PRKAR2B: variants seen among roughly 807,000 people sequenced by gnomAD.
The protein encoded by PRKAR2B is cAMP-dependent protein kinase type II-beta regulatory subunit.
Under a neutral mutation model 49.9 loss-of-function variants are expected in PRKAR2B, and 14 were observed. That is an observed-to-expected ratio of 0.28 (90% CI 0.19 to 0.44). The LOEUF is 0.44. PRKAR2B is among the 20% of genes least tolerant of loss of function. PRKAR2B has a pLI of 1.00. For missense variants in PRKAR2B, 393 were observed against 537.9 expected (o/e 0.73, Z 2.67); for synonymous variants, 196 against 197.7 (o/e 0.99, Z 0.07).
intron 2 of PRKAR2B, among the ~76,000 whole-genome samples, chr7:107,094,339 C>G (rs1794795211): frequency 6.6e-6 from 1 of 152,034 alleles, no homozygotes; most frequent in African/African-American, 2.4e-5. Flanking sequence ...TATCCTTTGC[C>G]TTTTTGATGG....
In PRKAR2B at chr7:107,146,342, G is replaced by A. The variant is rs1044637262; in HGVS notation, c.622G>A (p.Val208Ile). ...TFDIYVKCDG[V>I]GRCVGNYDNR... is the part of the protein sequence containing the mutation. ...TGATATTTATGTGAAATGTGATGGT[G>A]TTGGAAGATGTGTTGGTAACTATGA... Residue 208 changes from valine (V) to isoleucine (I), a missense_variant, in exon 6 of 11, where the codon GTT becomes ATT. Around this residue, in one of 2 missense-constraint regions of PRKAR2B, gnomAD observed 233 missense variants for 390.4 expected, o/e 0.60. Transcript: ENST00000265717. The A allele has an allele frequency of 1.9e-6, 3 of 1,614,066 alleles. No individual in the cohort carries two copies. The highest frequency in any genetic ancestry group is 2.7e-5 in the African/African-American group (2 of 74,938).
At chr7:107,128,737 C>G (rs993617627) in intron 4 of PRKAR2B, 3 of 145,386 alleles carry the variant, frequency 2.1e-5, no homozygotes, top group African/African-American at 7.7e-5. Context: ...AACTCATTAT[C>G]TGTGTATTAT....
chr7:107,066,005 G>A (rs1168017948), intron 1 of PRKAR2B, among the ~76,000 whole-genome samples: 4 of 152,140 alleles, frequency 2.6e-5, no homozygotes, highest in Non-Finnish European at 4.4e-5. Context: ...GGAACTAAAC[G>A]AATCTAGTGG....
intron 2 of PRKAR2B, among the ~76,000 whole-genome samples, chr7:107,097,059 T>C (rs1794853333): frequency 6.6e-6 from 1 of 152,174 alleles, no homozygotes; most frequent in South Asian, 2.1e-4. Context: ...AATTCCTGGA[T>C]ATCTTTGTTA....
chr7:107,118,454 T>C (rs1433545657), intron 2 of PRKAR2B, among the ~76,000 whole-genome samples: 2 of 117,104 alleles, frequency 1.7e-5, no homozygotes, highest in Admixed American at 1.8e-4. Flanking sequence ...AGTCATTTAT[T>C]TAAAAAAAAA....
chr7:107,124,106 G>A (rs912657683), intron 3 of PRKAR2B, among the ~76,000 whole-genome samples: 3 of 152,176 alleles, frequency 2.0e-5, no homozygotes, highest in African/African-American at 7.2e-5. Context: ...CACCAAATCA[G>A]TAAGTCTGTA....
chr7:107,085,391 T>G (rs77340209), intron 2 of PRKAR2B, among the ~76,000 whole-genome samples: 4,339 of 152,274 alleles, frequency 0.028, 190 homozygotes, highest in African/African-American at 0.099. Context: ...TTATCAAAAT[T>G]TTTCCAAAAT....
intron 2 of PRKAR2B, among the ~76,000 whole-genome samples, chr7:107,116,542 T>C (rs1442479766): frequency 2.0e-5 from 3 of 152,184 alleles, no homozygotes; most frequent in Non-Finnish European, 4.4e-5. Flanking sequence ...GAAGAATATG[T>C]ATACATACAC....
intron 8 of PRKAR2B, among the ~76,000 whole-genome samples, chr7:107,153,492 G>A (rs562073328): frequency 6.6e-6 from 1 of 152,192 alleles, no homozygotes; most frequent in Admixed American, 6.5e-5. Flanking sequence ...ATGGTTTTCT[G>A]CATCATTGTA....
At chr7:107,123,595 C>T (rs749453256) in intron 3 of PRKAR2B, among the ~76,000 whole-genome samples, 10 of 152,178 alleles carry the variant, frequency 6.6e-5, no homozygotes, top group Non-Finnish European at 1.5e-4. Flanking sequence ...GGTTCAGCTA[C>T]CCATCTCTAT....
rs1331622991 is a variant in PRKAR2B, at chr7:107,159,904, A to C, written c.*322A>C. The C allele has an allele frequency of 4.6e-6, 1 of 217,316 alleles. No individual in the cohort carries two copies. Among genetic ancestry groups the C allele is most frequent in the African/African-American group, 2.3e-5 (1 of 43,762 alleles). 13.5% of individuals were successfully genotyped at this position (217,316 alleles called of 1,614,324 possible). A position where few individuals can be genotyped will look rare whatever the true frequency, so the allele number is the denominator to read the frequency against. ...AAGAAGATAATTAAAGGATGTTATC[A>C]TAGGCTATATGTGTTTTACTTATTC... On this transcript the variant is annotated 3_prime_UTR_variant, in exon 11 of 11. Transcript: ENST00000265717.
intron 1 of PRKAR2B, among the ~76,000 whole-genome samples, chr7:107,055,575 A>C (rs915630866): frequency 6.6e-6 from 1 of 152,042 alleles, no homozygotes; most frequent in African/African-American, 2.4e-5. Context: ...GATGATGAGC[A>C]TTTTTTCATG....
At chr7:107,068,283 G>A (rs1000980222) in intron 1 of PRKAR2B, among the ~76,000 whole-genome samples, 3 of 152,062 alleles carry the variant, frequency 2.0e-5, no homozygotes, top group Non-Finnish European at 4.4e-5. Context: ...GGGGCAGGGG[G>A]GCAGAGAATG....
At chr7:107,130,871 A>G (rs1233338721) in intron 4 of PRKAR2B, among the ~76,000 whole-genome samples, 3 of 152,226 alleles carry the variant, frequency 2.0e-5, no homozygotes, top group Non-Finnish European at 2.9e-5. Context: ...GCTTTATTCA[A>G]GAAGTCTGTA....
rs1184435420 is a variant in PRKAR2B, at chr7:107,156,873, G to A, written c.919-111G>A. 3.4e-6 allele frequency: 3 copies of A among 879,670 alleles called. No homozygotes were observed. In the African/African-American group the frequency reaches 5.1e-5, roughly 15 times the overall value. The allele number at this position is 879,670 out of a possible 1,614,324, so 54.5% of individuals were successfully genotyped here. ...GTTCCCTTAGGATTTCACTTTTCAG[G>A]TGAATATGTGTACTTTGGGGTTGGA... On this transcript the variant is annotated intron_variant, in intron 8 of 10. Transcript: ENST00000265717.
intron 1 of PRKAR2B, among the ~76,000 whole-genome samples, chr7:107,060,955 C>A (rs908922623): frequency 1.3e-5 from 2 of 152,006 alleles, no homozygotes; most frequent in African/African-American, 4.8e-5. Flanking sequence ...TAGGGAATCT[C>A]ATTTCATTAT....
In PRKAR2B at chr7:107,075,106, AATT is replaced by A. The variant is rs1794371780; in HGVS notation, c.343+4791_343+4793del. Among the ~76,000 whole-genome samples, 6 of 151,276 alleles carry A rather than the reference AATT, an allele frequency of 4.0e-5. No homozygotes were observed. In the East Asian group the frequency reaches 1.2e-3, roughly 29 times the overall value. The stretch of plus-strand genomic sequence containing the variant: ...AATTGGATGATTTTTATTATTTTTA[AATT>A]TTTTTTTTTTTTGAGATGGAGTCTC... On this transcript the variant is annotated intron_variant, in intron 2 of 10. Transcript: ENST00000265717.
chr7:107,052,540 A>G (rs1027099537), intron 1 of PRKAR2B, among the ~76,000 whole-genome samples: 2 of 152,236 alleles, frequency 1.3e-5, no homozygotes, highest in African/African-American at 2.4e-5. Flanking sequence ...TGCTTTACAC[A>G]TATGTGATTT....
intron 10 of PRKAR2B, among the ~76,000 whole-genome samples, chr7:107,158,739 A>G (rs979682633): frequency 6.6e-5 from 10 of 152,214 alleles, no homozygotes; most frequent in Non-Finnish European, 1.5e-4. Flanking sequence ...CACTACTAGC[A>G]GTGCCATAAT....
Sources: allele counts gnomAD v4.1 joint callset (sites outside exome capture counted in the v4.1 genomes callset), GRCh38; gene constraint gnomAD v4.1.1; regional missense constraint gnomAD v4.1.1; transcripts MANE v1.5; gene names NCBI Gene and HGNC (gene_info 2026-07-23, HGNC 2026-07-21).